The following PPP3CC variants were observed in gnomAD, a reference collection of about 807,000 sequenced individuals.
PPP3CC encodes the protein protein phosphatase 3 catalytic subunit gamma.
Under a neutral mutation model 60.3 loss-of-function variants are expected in PPP3CC, and 35 were observed. The ratio of observed to expected loss-of-function variants is 0.58; its 90% CI spans 0.44 to 0.77. PPP3CC has a LOEUF of 0.77. Among genes scored for constraint, PPP3CC ranks in the 30% least tolerant of loss-of-function variants. PPP3CC has a pLI of 0.00. For synonymous variants in PPP3CC, 206 were observed against 224.3 expected, an observed-to-expected ratio of 0.92 and a Z score of 0.73; for missense variants, 570 against 628.9, an observed-to-expected ratio of 0.91 and a Z score of 1.00.
At chr8:22,457,182 T>C (rs959867820) in intron 1 of PPP3CC, among the ~76,000 whole-genome samples, 4 of 150,924 alleles carry the variant, frequency 2.7e-5, no homozygotes, top group Admixed American at 6.7e-5. Context: ...TACATATATA[T>C]CTGAAATTTT....
chr8:22,491,530 A>G (rs1281056033), intron 3 of PPP3CC, among the ~76,000 whole-genome samples: 1 of 152,242 alleles, frequency 6.6e-6, no homozygotes, highest in Non-Finnish European at 1.5e-5. Flanking sequence ...ATATACAAGC[A>G]TATTTGCAAA....
intron 1 of PPP3CC, among the ~76,000 whole-genome samples, chr8:22,464,877 C>T (rs992076760): frequency 7.2e-5 from 11 of 152,096 alleles, no homozygotes; most frequent in African/African-American, 2.7e-4. Flanking sequence ...TGCCAAGAGA[C>T]CGAGGCAGAA....
At chr8:22,531,616 T>A (rs961922895) in intron 10 of PPP3CC, among the ~76,000 whole-genome samples, 2 of 152,222 alleles carry the variant, frequency 1.3e-5, no homozygotes, top group East Asian at 1.9e-4. Flanking sequence ...GAATCTTAGA[T>A]AAGAAAAAGC....
At chr8:22,467,984 T>A (rs951150293) in intron 1 of PPP3CC, among the ~76,000 whole-genome samples, 27 of 152,328 alleles carry the variant, frequency 1.8e-4, no homozygotes, top group African/African-American at 6.3e-4. Flanking sequence ...ACCTAATAAT[T>A]TCCCAGATAT....
intron 10 of PPP3CC, among the ~76,000 whole-genome samples, chr8:22,529,380 G>C (rs769436350): frequency 2.0e-5 from 3 of 152,096 alleles, no homozygotes; most frequent in Non-Finnish European, 4.4e-5. Context: ...GTGTTACTAA[G>C]TTTTTAATTA....
At chr8:22,477,246 G>T (rs1022437614) in intron 3 of PPP3CC, among the ~76,000 whole-genome samples, 1 of 152,168 alleles carries the variant, frequency 6.6e-6, no homozygotes, top group Non-Finnish European at 1.5e-5. Context: ...GGAGGCCGAG[G>T]TGGGTGGATC....
intron 6 of PPP3CC, among the ~76,000 whole-genome samples, chr8:22,516,283 G>A (rs1839241382): frequency 6.6e-6 from 1 of 152,114 alleles, no homozygotes; most frequent in South Asian, 2.1e-4. Context: ...AGTGACTAAT[G>A]TGATGAAATC....
intron 1 of PPP3CC, among the ~76,000 whole-genome samples, chr8:22,454,910 G>T (rs1367833381): frequency 6.6e-6 from 1 of 151,968 alleles, no homozygotes; most frequent in African/African-American, 2.4e-5. Flanking sequence ...CAAAAAATTA[G>T]CCGGGCGCGG....
chr8:22,540,592 A>T (rs1162922613), intron 13 of PPP3CC, 23 bp from the exon 14 acceptor site: 1 of 1,605,626 alleles, frequency 6.2e-7, no homozygotes, highest in South Asian at 1.1e-5. Flanking sequence ...AGCTCTCTCC[A>T]CCTGCTTCCT....
intron 1 of PPP3CC, among the ~76,000 whole-genome samples, chr8:22,464,588 C>T (rs546158614): frequency 1.1e-4 from 17 of 151,910 alleles, no homozygotes; most frequent in Non-Finnish European, 1.8e-4. Context: ...CGCCATGTTG[C>T]GCAGGCTGGT....
At chr8:22,446,846 C>T (rs931718519) in intron 1 of PPP3CC, among the ~76,000 whole-genome samples, 8 of 137,686 alleles carry the variant, frequency 5.8e-5, no homozygotes, top group Admixed American at 2.2e-4. Context: ...GATTTTTAGA[C>T]ATGTCTCTAT....
intron 8 of PPP3CC, among the ~76,000 whole-genome samples, chr8:22,524,461 T>G (rs1839488616): frequency 1.3e-5 from 2 of 152,230 alleles, no homozygotes. Context: ...TAACTTAGCA[T>G]TCTTCTCTGA....
At chr8:22,494,598 T>C (rs1838508538) in intron 3 of PPP3CC, among the ~76,000 whole-genome samples, 1 of 152,210 alleles carries the variant, frequency 6.6e-6, no homozygotes, top group African/African-American at 2.4e-5. Flanking sequence ...TATGCCTATG[T>C]CTCCTTGCTA....
At chr8:22,493,125 A>G in intron 3 of PPP3CC, 2 of 1,552,102 alleles carry the variant, frequency 1.3e-6, no homozygotes, top group Admixed American at 3.4e-5. Flanking sequence ...AATTGAGTCA[A>G]CTTCTGAAGA....
chr8:22,517,335 T>G (rs1416620586), intron 6 of PPP3CC, among the ~76,000 whole-genome samples: 1 of 152,236 alleles, frequency 6.6e-6, no homozygotes, highest in Non-Finnish European at 1.5e-5. Context: ...TTTTCTTTCT[T>G]CTGGTGTCTT....
At chr8:22,499,459 A>G (rs1246362956) in intron 4 of PPP3CC, among the ~76,000 whole-genome samples, 3 of 72,972 alleles carry the variant, frequency 4.1e-5, no homozygotes, top group South Asian at 4.5e-4. Flanking sequence ...AAAAAAAAGA[A>G]AAAAAAAAGA....
chr8:22,450,799 T>A lies in PPP3CC; in HGVS notation c.49+9341T>A, dbSNP rs553124856. Among the ~76,000 whole-genome samples, 241 of 133,288 alleles carry A rather than the reference T, an allele frequency of 1.8e-3. 1 individual carries two copies. The highest frequency in any genetic ancestry group is 3.4e-3 in the Admixed American group (44 of 13,106). 87.4% of individuals were successfully genotyped at this position (133,288 alleles called of 152,430 possible). A position where few individuals can be genotyped will look rare whatever the true frequency, so the allele number is the denominator to read the frequency against. On this transcript the variant is annotated intron_variant, in intron 1 of 13. Transcript: ENST00000240139. Reference sequence around the variant, plus strand: ...AACCCTCATCCCCAACCTACTTTATTTTTATTTATTTATTTATTTATTTAT... The same window carrying A: ...AACCCTCATCCCCAACCTACTTTATATTTATTTATTTATTTATTTATTTAT...
rs552557423 is a variant in PPP3CC at position 22,525,404 on chromosome 8, T to C, written c.944-1988T>C. On this transcript the variant is annotated intron_variant, in intron 8 of 13. Coordinates refer to ENST00000240139, the MANE Select transcript of PPP3CC (RefSeq NM_005605.5). The stretch of plus-strand genomic sequence containing the variant: ...CTTTTTCTTCTTCCTTTTCTTCTAC[T>C]GTTGCTCTTCTTTCTCTTTCTCTCT... Among the ~76,000 whole-genome samples the C allele has an allele frequency of 3.3e-5, 5 of 152,222 alleles. No individual in the cohort carries two copies. In the South Asian group the frequency reaches 1.0e-3, roughly 32 times the overall value.
rs1836653802 is a variant in PPP3CC, at chr8:22,441,180, C to T, written c.-230C>T. 2 of 402,790 alleles carry T rather than the reference C, an allele frequency of 5.0e-6. No individual in the cohort carries two copies. Among genetic ancestry groups the T allele is most frequent in the Admixed American group, 4.5e-5 (1 of 22,086 alleles). 25.0% of individuals were successfully genotyped at this position (402,790 alleles called of 1,614,324 possible). ...GAAGCGGTGTTCCCCGCCTTAGCCG[C>T]TGGCGCCTCCCAAGAGAGCGGCCGG... On this transcript the variant is annotated 5_prime_UTR_variant, in exon 1 of 14. Transcript: ENST00000240139.
Sources: allele counts gnomAD v4.1 joint callset (sites outside exome capture counted in the v4.1 genomes callset), GRCh38; gene constraint gnomAD v4.1.1; transcripts MANE v1.5; gene names NCBI Gene and HGNC (gene_info 2026-07-23, HGNC 2026-07-21).